HHAT: variants seen among roughly 807,000 people sequenced by gnomAD.
The protein encoded by HHAT is protein-cysteine N-palmitoyltransferase HHAT.
A neutral mutation model predicts 70.8 loss-of-function variants in HHAT; 47 were observed. That is an observed-to-expected ratio of 0.66 (90% CI 0.53 to 0.85). The LOEUF (loss-of-function observed/expected upper bound fraction) is 0.85, where lower values mean the gene tolerates loss of function less well. HHAT is among the 40% of genes least tolerant of loss of function. The probability of loss-of-function intolerance (pLI) is 0.00; values close to 1 mark genes in which losing one functional copy is unlikely to be tolerated. For missense variants in HHAT, 609 were observed against 604.8 expected (o/e 1.01, Z -0.07); for synonymous variants, 228 against 247.6 (o/e 0.92, Z 0.74).
intron 1 of HHAT, chr1:210,329,626 T>A: frequency 3.1e-6 from 1 of 325,536 alleles, no homozygotes; most frequent in Non-Finnish European, 4.4e-6. Flanking sequence ...GCATTGGTGT[T>A]AAGAAATGTG....
intron 10 of HHAT, among the ~76,000 whole-genome samples, chr1:210,607,285 C>CTTT (rs1375846815): frequency 6.6e-6 from 1 of 152,078 alleles, no homozygotes; most frequent in Non-Finnish European, 1.5e-5. Flanking sequence ...TTTGCTCACC[C>CTTT]TGCTCTTCAT....
At chr1:210,550,058 C>G (rs1271648133) in intron 9 of HHAT, among the ~76,000 whole-genome samples, 1 of 149,146 alleles carries the variant, frequency 6.7e-6, no homozygotes, top group East Asian at 2.2e-4. Flanking sequence ...AACTGCAAGC[C>G]TTTGTGCTGT....
At chr1:210,362,987 A>G (rs2088521040) in intron 3 of HHAT, 68 bp downstream of exon 3, 1 of 1,271,320 alleles carries the variant, frequency 7.9e-7, no homozygotes, top group East Asian at 2.3e-5. Flanking sequence ...TCACATTTGT[A>G]TTTGGAGTCG....
chr1:210,424,962 C>T (rs187295482), intron 7 of HHAT, among the ~76,000 whole-genome samples: 224 of 152,296 alleles, frequency 1.5e-3, no homozygotes, highest in Non-Finnish European at 2.8e-3. Flanking sequence ...TACACTCTTA[C>T]CAACAGTGTA....
intron 8 of HHAT, among the ~76,000 whole-genome samples, chr1:210,511,554 C>G (rs139950141): frequency 2.6e-5 from 4 of 152,040 alleles, no homozygotes; most frequent in Non-Finnish European, 5.9e-5. Flanking sequence ...TCGCCGGAAG[C>G]TAGGGACAGG....
intron 10 of HHAT, 120 bp from the exon 11 acceptor site, chr1:210,623,406 G>T: frequency 9.4e-7 from 1 of 1,060,300 alleles, no homozygotes; most frequent in South Asian, 1.5e-5. Context: ...TTTAAATAAT[G>T]ACCTGGTTTG....
At chr1:210,420,861 A>T (rs1287592962) in intron 7 of HHAT, among the ~76,000 whole-genome samples, 1 of 152,096 alleles carries the variant, frequency 6.6e-6, no homozygotes, top group Non-Finnish European at 1.5e-5. Flanking sequence ...AAAATATTTG[A>T]ATCTCTGAAT....
At chr1:210,406,322 A>G (rs12070523) in intron 6 of HHAT, among the ~76,000 whole-genome samples, 25,677 of 152,038 alleles carry the variant, frequency 0.17, 2,380 homozygotes, top group Admixed American at 0.23. Flanking sequence ...CCTCCTGTAT[A>G]TAAGCTTTGC....
Position 210,520,169 on chromosome 1 carries a change from C to T in HHAT, c.1043+6981C>T, listed in dbSNP as rs190810855. 5.9e-4 allele frequency among the ~76,000 whole-genome samples: 89 copies of T among 152,122 alleles called. 1 individual carries two copies. Among genetic ancestry groups the T allele is most frequent in the Non-Finnish European group, 1.0e-3 (68 of 68,008 alleles). On this transcript the variant is annotated intron_variant, in intron 9 of 11. Coordinates refer to ENST00000261458, the MANE Select transcript of HHAT (RefSeq NM_018194.6). ...TAGCTGGGATTACAGGCACCCACCACCATGCCCTGCTAATTTTTTGTATTT... is the reference window on the plus strand; with the variant it reads ...TAGCTGGGATTACAGGCACCCACCATCATGCCCTGCTAATTTTTTGTATTT...
At chr1:210,390,308 C>T (rs961274742) in intron 4 of HHAT, among the ~76,000 whole-genome samples, 2 of 152,108 alleles carry the variant, frequency 1.3e-5, no homozygotes, top group African/African-American at 4.8e-5. Context: ...TATTAAACCC[C>T]CTCTCCCTCT....
At chr1:210,637,871 A>AAC (rs1553312396) in intron 11 of HHAT, among the ~76,000 whole-genome samples, 1 of 117,500 alleles carries the variant, frequency 8.5e-6, no homozygotes, top group Non-Finnish European at 1.8e-5. Context: ...AAAAAAAAAA[A>AAC]GGGGGGGGCA....
chr1:210,435,720 T>C lies in HHAT; in HGVS notation c.856+17395T>C, dbSNP rs560253853. Among the ~76,000 whole-genome samples, 48 of 152,072 alleles carry C rather than the reference T, an allele frequency of 3.2e-4. 2 individuals carry two copies. Among genetic ancestry groups the C allele is most frequent in the African/African-American group, 1.1e-3 (47 of 41,304 alleles). On this transcript the variant is annotated intron_variant, in intron 7 of 11. Transcript: ENST00000261458. ...TTTGCATTTCTGTAATGATTAGTTA[T>C]GTTGAACACTTTTTCGTATATTTTT...
intron 9 of HHAT, among the ~76,000 whole-genome samples, chr1:210,573,768 C>CCCT (rs1280127276): frequency 1.3e-5 from 2 of 152,102 alleles, no homozygotes; most frequent in African/African-American, 2.4e-5. Flanking sequence ...TGTAAATATT[C>CCCT]CCTCCAAACC....
In HHAT at chr1:210,489,861, C is replaced by G. The variant is rs939005831; in HGVS notation, c.1008-23292C>G. ...CCTATATCACTTCCAGGTATGCATCCCCCACAGCCCACAGTCCCAGTCCTT... is the reference window on the plus strand; with the variant it reads ...CCTATATCACTTCCAGGTATGCATCGCCCACAGCCCACAGTCCCAGTCCTT... On this transcript the variant is annotated intron_variant, in intron 8 of 11. Coordinates refer to ENST00000261458, the MANE Select transcript of HHAT (RefSeq NM_018194.6). Among the ~76,000 whole-genome samples, 4 of 152,238 alleles carry G rather than the reference C, an allele frequency of 2.6e-5. No homozygotes were observed. In the East Asian group the frequency reaches 7.7e-4, roughly 29 times the overall value.
At chr1:210,471,630 C>G (rs892976375) in intron 8 of HHAT, among the ~76,000 whole-genome samples, 8 of 152,102 alleles carry the variant, frequency 5.3e-5, no homozygotes, top group Non-Finnish European at 5.9e-5. Context: ...ATAGCCCAAA[C>G]TCTAGTAATA....
intron 8 of HHAT, among the ~76,000 whole-genome samples, chr1:210,495,140 C>A (rs910743204): frequency 1.3e-5 from 2 of 151,950 alleles, no homozygotes; most frequent in Non-Finnish European, 2.9e-5. Context: ...ACCAAGACAA[C>A]GTGGGGTCCT....
At position 210,435,106 on chromosome 1, in the gene HHAT, C is replaced by T. The variant is rs1163589070; in HGVS notation, c.856+16781C>T. ...TAAGTGTATATGTGTACCCATTAAT[C>T]AACCTCTTTTCATCCTCCCCTCCTG... On this transcript the variant is annotated intron_variant, in intron 7 of 11. Coordinates refer to ENST00000261458, the MANE Select transcript of HHAT (RefSeq NM_018194.6). 2.0e-5 allele frequency among the ~76,000 whole-genome samples: 3 copies of T among 151,944 alleles called. No homozygotes were observed. In the East Asian group the frequency reaches 5.8e-4, roughly 29 times the overall value.
At chr1:210,331,188 A>G (rs2084948752) in intron 1 of HHAT, among the ~76,000 whole-genome samples, 1 of 151,924 alleles carries the variant, frequency 6.6e-6, no homozygotes, top group Admixed American at 6.6e-5. Flanking sequence ...AATACAACTC[A>G]CCATAGAGTA....
At chr1:210,330,230 C>A (rs1396164476) in intron 1 of HHAT, among the ~76,000 whole-genome samples, 1 of 152,172 alleles carries the variant, frequency 6.6e-6, no homozygotes, top group Admixed American at 6.5e-5. Context: ...TCCCTCCTTT[C>A]TCGTTGCCAG....
Sources: gnomAD v4.1 joint callset for allele counts (sites outside exome capture counted in the v4.1 genomes callset) on GRCh38, gnomAD v4.1.1 for gene constraint, MANE v1.5 for transcripts, NCBI Gene and HGNC (gene_info 2026-07-23, HGNC 2026-07-21) for gene names.